The following MOB3B variants were observed in gnomAD, a reference collection of about 807,000 sequenced individuals.
MOB3B encodes the protein MOB kinase activator-like 2B.
Under a neutral mutation model 18.7 loss-of-function variants are expected in MOB3B, and 7 were observed. The observed-to-expected ratio is 0.37, with a 90% CI of 0.21 to 0.70. The LOEUF is 0.70. MOB3B is among the 30% of genes least tolerant of loss of function. MOB3B has a pLI of 0.52. For synonymous variants in MOB3B, 111 were observed against 99.9 expected (o/e 1.11, Z -0.66); for missense variants, 253 against 281.3 (o/e 0.90, Z 0.72).
At chr9:27,494,081 G>A (rs1449181831) in intron 1 of MOB3B, among the ~76,000 whole-genome samples, 3 of 152,156 alleles carry the variant, frequency 2.0e-5, no homozygotes, top group Non-Finnish European at 2.9e-5. Context: ...AGACTGCAGG[G>A]GTGAAATAGA....
At chr9:27,334,488 C>G (rs1820834971) in intron 3 of MOB3B, among the ~76,000 whole-genome samples, 1 of 152,148 alleles carries the variant, frequency 6.6e-6, no homozygotes, top group South Asian at 2.1e-4. Flanking sequence ...TGAAATCAGC[C>G]TGTCTTTTAC....
At chr9:27,387,067 T>A (rs1821659380) in intron 2 of MOB3B, among the ~76,000 whole-genome samples, 1 of 152,186 alleles carries the variant, frequency 6.6e-6, no homozygotes, top group South Asian at 2.1e-4. Context: ...TGAAAATGAA[T>A]CACTGTGACT....
At chr9:27,425,655 T>G (rs772773539) in intron 2 of MOB3B, among the ~76,000 whole-genome samples, 6 of 152,214 alleles carry the variant, frequency 3.9e-5, no homozygotes, top group Non-Finnish European at 7.3e-5. Context: ...TTTTCTAGAC[T>G]TCAGAATAAT....
chr9:27,526,279 G>A (rs992436182), intron 1 of MOB3B: 5 of 152,210 alleles, frequency 3.3e-5, no homozygotes, highest in African/African-American at 9.6e-5. Context: ...ACAAATTGTG[G>A]ATCATGGTAT....
At chr9:27,416,064 A>T (rs1019129158) in intron 2 of MOB3B, among the ~76,000 whole-genome samples, 2 of 152,256 alleles carry the variant, frequency 1.3e-5, no homozygotes, top group Non-Finnish European at 2.9e-5. Context: ...CTCTCATTGC[A>T]TGATAAAAAA....
In MOB3B at chr9:27,418,091, CAAAAAA is replaced by C. The variant is rs57850999; in HGVS notation, c.418+37036_418+37041del. Among the ~76,000 whole-genome samples the C allele has an allele frequency of 1.4e-3, 61 of 44,088 alleles. 1 individual carries two copies. Among genetic ancestry groups the C allele is most frequent in the African/African-American group, 4.0e-3 (59 of 14,604 alleles). The allele number at this position is 44,088 out of a possible 152,430, so 28.9% of individuals were successfully genotyped here. ...TGGGAGACAGGGTGAGACTCCACCT[CAAAAAA>C]AAAAAAAAAAAAAAAGTAATACAAC... On this transcript the variant is annotated intron_variant, in intron 2 of 3. Coordinates refer to ENST00000262244, the MANE Select transcript of MOB3B (RefSeq NM_024761.5).
At chr9:27,523,678 T>A (rs1053193183) in intron 1 of MOB3B, among the ~76,000 whole-genome samples, 7 of 152,304 alleles carry the variant, frequency 4.6e-5, no homozygotes, top group African/African-American at 1.2e-4. Flanking sequence ...CCAAGCCAAC[T>A]TAGTCTCCTA....
chr9:27,495,552 G>A (rs1268857061), intron 1 of MOB3B, among the ~76,000 whole-genome samples: 5 of 152,062 alleles, frequency 3.3e-5, no homozygotes, highest in African/African-American at 1.2e-4. Flanking sequence ...CCATCCTGAT[G>A]GCCCCAAGGG....
At chr9:27,527,671 G>C (rs532960334) in intron 1 of MOB3B, among the ~76,000 whole-genome samples, 1 of 152,328 alleles carries the variant, frequency 6.6e-6, no homozygotes, top group Admixed American at 6.5e-5. Context: ...CCTTGGAAGA[G>C]GGACTCATTG....
At chr9:27,491,045 A>T (rs1819809346) in intron 1 of MOB3B, among the ~76,000 whole-genome samples, 1 of 152,286 alleles carries the variant, frequency 6.6e-6, no homozygotes, top group African/African-American at 2.4e-5. Flanking sequence ...AATAGTGATA[A>T]TAATTGCAAC....
At chr9:27,381,362 G>A (rs1821575101) in intron 2 of MOB3B, among the ~76,000 whole-genome samples, 1 of 152,032 alleles carries the variant, frequency 6.6e-6, no homozygotes, top group South Asian at 2.1e-4. Context: ...TCTGAGGACT[G>A]CTAAAGACTT....
chr9:27,339,114 C>A (rs1275560492), intron 3 of MOB3B, among the ~76,000 whole-genome samples: 2 of 152,200 alleles, frequency 1.3e-5, no homozygotes, highest in East Asian at 3.9e-4. Context: ...GCTCAGGGGA[C>A]TTCGTTCTTG....
chr9:27,506,568 G>A (rs1434557360), intron 1 of MOB3B, among the ~76,000 whole-genome samples: 1 of 148,540 alleles, frequency 6.7e-6, no homozygotes, highest in African/African-American at 2.5e-5. Flanking sequence ...GTCTCACTCT[G>A]TCACCCAGGC....
chr9:27,371,780 C>A (rs1466977152), intron 2 of MOB3B, among the ~76,000 whole-genome samples: 1 of 151,590 alleles, frequency 6.6e-6, no homozygotes, highest in Non-Finnish European at 1.5e-5. Context: ...TGTTGGCCAG[C>A]AGGAATATAG....
At chr9:27,379,641 G>GTCT (rs1315711805) in intron 2 of MOB3B, among the ~76,000 whole-genome samples, 1 of 152,074 alleles carries the variant, frequency 6.6e-6, no homozygotes, top group Admixed American at 6.6e-5. Flanking sequence ...AGTGAGACCT[G>GTCT]GTCCAAAGCC....
chr9:27,459,080 G>A (rs1819237962), intron 1 of MOB3B, among the ~76,000 whole-genome samples: 1 of 151,786 alleles, frequency 6.6e-6, no homozygotes, highest in Non-Finnish European at 1.5e-5. Flanking sequence ...GCCACTGAAC[G>A]ACAGAACAAA....
chr9:27,438,675 G>A (rs1010349471), intron 2 of MOB3B, among the ~76,000 whole-genome samples: 4 of 152,184 alleles, frequency 2.6e-5, no homozygotes, highest in African/African-American at 9.6e-5. Flanking sequence ...GCACCGTTGG[G>A]AGGACAAGGA....
chr9:27,339,037 G>A (rs1236719102), intron 3 of MOB3B, among the ~76,000 whole-genome samples: 1 of 152,134 alleles, frequency 6.6e-6, no homozygotes, highest in East Asian at 1.9e-4. Context: ...GCTGTGGAGG[G>A]AGTGCTGCAA....
intron 2 of MOB3B, among the ~76,000 whole-genome samples, chr9:27,430,472 G>A (rs1257382490): frequency 6.6e-6 from 1 of 152,060 alleles, no homozygotes; most frequent in Non-Finnish European, 1.5e-5. Context: ...GTAGGAGTGC[G>A]GACTCTGAGC....
Sources: gnomAD v4.1 joint callset for allele counts (sites outside exome capture counted in the v4.1 genomes callset) on GRCh38, gnomAD v4.1.1 for gene constraint, MANE v1.5 for transcripts, NCBI Gene and HGNC (gene_info 2026-07-23, HGNC 2026-07-21) for gene names.